CC2D1B: variants seen among roughly 807,000 people sequenced by gnomAD.
CC2D1B encodes coiled-coil and C2 domain-containing protein 1B.
A neutral mutation model predicts 110.8 loss-of-function variants in CC2D1B; 92 were observed. That is an observed-to-expected ratio of 0.83 (90% CI 0.70 to 0.99). CC2D1B has a LOEUF of 0.99. Ranked by LOEUF, CC2D1B falls within the 50% of genes least tolerant of loss-of-function variation. The probability of loss-of-function intolerance (pLI) is 0.00; values close to 1 mark genes in which losing one functional copy is unlikely to be tolerated. For synonymous variants in CC2D1B, 406 were observed against 429.2 expected (o/e 0.95, Z 0.67); for missense variants, 1,136 against 1,089.0 (o/e 1.04, Z -0.61).
Position 52,359,592 on chromosome 1 carries a change from C to T in CC2D1B, c.943-58G>A, listed in dbSNP as rs948754310. ...AGACAGGGGACCCCAAGAGCCTGGG[C>T]TGAAACAACCCCCACTTAGGCCAAT... On this transcript the variant is annotated intron_variant, in intron 8 of 24. Transcript: ENST00000284376. 4 of 1,588,092 alleles carry T rather than the reference C, an allele frequency of 2.5e-6. No homozygotes were observed. In the Admixed American group the frequency reaches 5.3e-5, roughly 21 times the overall value.
chr1:52,360,030 T>TATGA (rs1481414927), intron 7 of CC2D1B, 44 bp downstream of exon 7: 1 of 1,552,742 alleles, frequency 6.4e-7, no homozygotes, highest in Non-Finnish European at 8.7e-7. Flanking sequence ...CGCTGTGGGC[T>TATGA]ATGACCCCAG....
Position 52,351,745 on chromosome 1 carries a change from ATAG to A in CC2D1B, c.*1477_*1479del, listed in dbSNP as rs1372025225. 1.3e-5 allele frequency: 2 copies of A among 152,064 alleles called. No individual in the cohort carries two copies. Among genetic ancestry groups the A allele is most frequent in the African/African-American group, 4.8e-5 (2 of 41,382 alleles). 9.4% of individuals were successfully genotyped at this position (152,064 alleles called of 1,614,324 possible). A position where few individuals can be genotyped will look rare whatever the true frequency, so the allele number is the denominator to read the frequency against. ...CTAAAAATAAAAAAATTAGCTGGGC[ATAG>A]TGGTGGGTGCCTGTAATCCCAGCTA... On this transcript the variant is annotated 3_prime_UTR_variant, in exon 25 of 25. Transcript: ENST00000284376.
Position 52,356,373 on chromosome 1 carries a change from C to A in CC2D1B, c.1937+11G>T, listed in dbSNP as rs1270855978. The A allele has an allele frequency of 6.2e-7, 1 of 1,614,080 alleles. No individual in the cohort carries two copies. Among genetic ancestry groups the A allele is most frequent in the East Asian group, 2.2e-5 (1 of 44,898 alleles). ...CCACCCTATGAGCCCAGCCCCAGCC[C>A]TTGCACTTACCGGGTGGTCTCAGCC... is the stretch of plus-strand genomic sequence containing the variant. On this transcript the variant is annotated intron_variant, in intron 17 of 24. Coordinates refer to ENST00000284376, the MANE Select transcript of CC2D1B (RefSeq NM_001330585.2).
chr1:52,359,792 G>T lies in CC2D1B; in HGVS notation c.855C>A (p.Ser285=). Residue 285 remains serine, a synonymous_variant, in exon 8 of 25, where the codon TCC becomes TCA. Coordinates refer to ENST00000284376, the MANE Select transcript of CC2D1B (RefSeq NM_001330585.2). ...CAGCCACTTTGTACTCTCTCTGTCGGGATGACAGCAGGGCCCGCGGGTCTG... is the reference window on the plus strand; with the variant it reads ...CAGCCACTTTGTACTCTCTCTGTCGTGATGACAGCAGGGCCCGCGGGTCTG... ...LDPDPRALLS[S]RQREYKVAAL... 1 of 1,611,610 alleles carries T rather than the reference G, an allele frequency of 6.2e-7. No individual in the cohort carries two copies. The highest frequency in any genetic ancestry group is 1.3e-5 in the African/African-American group (1 of 75,018).
rs141213641 is a variant in CC2D1B, at chr1:52,361,523, G to C, written c.308C>G (p.Ala103Gly). ...EEEEEGLEED[A>G]ELLTELQEVL... ...GCCTGGCAGACACACCAGCAGCTCT[G>C]CATCTTCCTCCAGCCCTTCCTCCTC... The change falls in exon 4 of 25, where the codon GCA (alanine) becomes GGA (glycine). Residue 103 changes from alanine (A) to glycine (G), a missense_variant. Physicochemically the swap from Ala to Gly is moderately conservative, Grantham distance 60. Coordinates refer to ENST00000284376, the MANE Select transcript of CC2D1B (RefSeq NM_001330585.2). The C allele has an allele frequency of 6.2e-6, 10 of 1,613,774 alleles. No homozygotes were observed. In the African/African-American group the frequency reaches 1.2e-4, roughly 19 times the overall value.
chr1:52,361,392 G>A, intron 4 of CC2D1B, 121 bp downstream of exon 4: 1 of 1,528,508 alleles, frequency 6.5e-7, no homozygotes, highest in Non-Finnish European at 8.9e-7. Flanking sequence ...AGCCAGGAGG[G>A]GCAAGCACTC....
rs371994391 is a variant in CC2D1B at position 52,358,315 on chromosome 1, G to C, written c.1461+16C>G. ...TATTCTCCCCACCAGCCCTGGAGTTGAGCCCTCAACCAAACCTCGTCCTCG... is the reference window on the plus strand; with the variant it reads ...TATTCTCCCCACCAGCCCTGGAGTTCAGCCCTCAACCAAACCTCGTCCTCG... On this transcript the variant is annotated intron_variant, in intron 13 of 24. Transcript: ENST00000284376. 1 of 1,610,818 alleles carries C rather than the reference G, an allele frequency of 6.2e-7. No homozygotes were observed. Among genetic ancestry groups the C allele is most frequent in the African/African-American group, 1.3e-5 (1 of 75,006 alleles).
Position 52,366,091 on chromosome 1 carries a change from C to T in CC2D1B, c.-37G>A, listed in dbSNP as rs1198676496. ...TACCTCGCGGTGAATCCGAGCCAAA[C>T]CCCGGCCTTGTCTCACCCGGCACCG... On this transcript the variant is annotated 5_prime_UTR_variant, in exon 1 of 25. Transcript: ENST00000284376. 6.6e-6 allele frequency: 1 copy of T among 152,270 alleles called. No homozygotes were observed. Among genetic ancestry groups the T allele is most frequent in the Non-Finnish European group, 1.5e-5 (1 of 68,076 alleles). 9.4% of individuals were successfully genotyped at this position (152,270 alleles called of 1,614,324 possible). A position where few individuals can be genotyped will look rare whatever the true frequency, so the allele number is the denominator to read the frequency against.
In CC2D1B at chr1:52,353,538, A is replaced by G. The variant is rs1311586848; in HGVS notation, c.2540T>C (p.Leu847Pro). The change falls in exon 24 of 25, where the codon CTG becomes CCG. Residue 847 changes from leucine (L) to proline (P), a missense_variant. Physicochemically the swap from Leu to Pro is moderately conservative, Grantham distance 98 (BLOSUM62 -3). Transcript: ENST00000284376. Reference sequence around the variant, plus strand: ...CCCACCTCACAAGCCCCTGGGCTCCAGAACCAGCCAGTTCTCAGTGACCAT... The same window carrying G: ...CCCACCTCACAAGCCCCTGGGCTCCGGAACCAGCCAGTTCTCAGTGACCAT... Reference protein sequence around the residue: ...VQMVTENWLVLEPRGL With the variant: ...VQMVTENWLVPEPRGL 1 of 1,613,732 alleles carries G rather than the reference A, an allele frequency of 6.2e-7. No homozygotes were observed. The highest frequency in any genetic ancestry group is 1.1e-5 in the South Asian group (1 of 91,058).
Position 52,359,308 on chromosome 1 carries a change from A to C in CC2D1B, c.1068T>G (p.Ile356Met). ...ASQAPTAPSV[I>M]PPAVERVQPV... ...GCTGCACTCGCTCCACGGCTGGGGG[A>C]ATGACTGAGGGTGCTGTGGGAGCCT... Residue 356 changes from isoleucine to methionine, a missense_variant, in exon 10 of 25, where the codon ATT becomes ATG. Ile to Met is a conservative substitution (Grantham distance 10). Coordinates refer to ENST00000284376, the MANE Select transcript of CC2D1B (RefSeq NM_001330585.2). 1.2e-6 allele frequency: 2 copies of C among 1,613,268 alleles called. No individual in the cohort carries two copies. The highest frequency in any genetic ancestry group is 1.7e-6 in the Non-Finnish European group (2 of 1,179,774).
chr1:52,360,309 GC>G, intron 6 of CC2D1B, 76 bp from the exon 7 acceptor site: 3 of 1,597,578 alleles, frequency 1.9e-6, no homozygotes, highest in South Asian at 2.3e-5. Context: ...GCCAGGGGTG[GC>G]CCCCCAACCC....
chr1:52,360,862 GA>G, intron 5 of CC2D1B, 111 bp downstream of exon 5: 1 of 1,328,132 alleles, frequency 7.5e-7, no homozygotes, highest in Non-Finnish European at 1.0e-6. Context: ...GCTGCTGGGG[GA>G]GGGTCCTGGA....
intron 15 of CC2D1B, 90 bp from the exon 16 acceptor site, chr1:52,357,216 C>A: frequency 6.9e-7 from 1 of 1,459,352 alleles, no homozygotes; most frequent in Non-Finnish European, 9.4e-7. Context: ...CTAAGTAATT[C>A]TTCAGCTTCT....
intron 3 of CC2D1B, 52 bp downstream of exon 3, chr1:52,362,549 AG>A (rs1174838894): frequency 6.2e-6 from 10 of 1,608,550 alleles, no homozygotes; most frequent in African/African-American, 1.3e-5. Context: ...CTCTACCACC[AG>A]CCTGTGCCCA....
intron 3 of CC2D1B, 124 bp downstream of exon 3, chr1:52,362,478 G>T: frequency 1.7e-6 from 2 of 1,176,612 alleles, no homozygotes; most frequent in Non-Finnish European, 1.2e-6. Flanking sequence ...TGGGAGTGCG[G>T]CAGATGGGTA....
chr1:52,353,608 C>T lies in CC2D1B; in HGVS notation c.2470G>A (p.Val824Met). 6.2e-7 allele frequency: 1 copy of T among 1,612,234 alleles called. No homozygotes were observed. The highest frequency in any genetic ancestry group is 8.5e-7 in the Non-Finnish European group (1 of 1,179,134). Reference sequence around the variant, plus strand: ...AGAGGCTCCCGCAGCCTCACCTTCACCTCCAGCTTCCCCCCGGTGGGCTTC... The same window carrying T: ...AGAGGCTCCCGCAGCCTCACCTTCATCTCCAGCTTCCCCCCGGTGGGCTTC... ...GRKPTGGKLE[V>M]KVRLREPLSG... The change falls in exon 24 of 25, where the codon GTG becomes ATG. Residue 824 changes from valine to methionine, a missense_variant. By Grantham distance (21) the Val-to-Met change is conservative (BLOSUM62 1). Transcript: ENST00000284376.
chr1:52,358,015 G>T, intron 13 of CC2D1B, 117 bp from the exon 14 acceptor site: 1 of 1,417,220 alleles, frequency 7.1e-7, no homozygotes. Context: ...ACCTGAGATG[G>T]GTGGCTTCTC....
rs966047582 is a variant in CC2D1B, at chr1:52,359,068, C to T, written c.1216G>A (p.Gly406Arg). The part of the protein sequence containing the change: ...REAGIQARSG[G>R]DERKARMHER... ...TGCATCCGAGCCTTGCGCTCGTCCCCACCACTCCGGGCCTGGATGCCCGCC... is the reference window on the plus strand; with the variant it reads ...TGCATCCGAGCCTTGCGCTCGTCCCTACCACTCCGGGCCTGGATGCCCGCC... The change falls in exon 11 of 25, where the codon GGG (glycine) becomes AGG (arginine). Residue 406 changes from glycine (G) to arginine (R), a missense_variant. Transcript: ENST00000284376. The T allele has an allele frequency of 6.2e-7, 1 of 1,608,888 alleles. No homozygotes were observed. Among genetic ancestry groups the T allele is most frequent in the East Asian group, 2.2e-5 (1 of 44,868 alleles).
In CC2D1B at chr1:52,359,692, C is replaced by A; in HGVS notation, c.942+13G>T. On this transcript the variant is annotated intron_variant, in intron 8 of 24. Coordinates refer to ENST00000284376, the MANE Select transcript of CC2D1B (RefSeq NM_001330585.2). ...ATAAAATGAGGGTGGGTGCCCTGAG[C>A]CAGATGCCATACCTTCCCAATCCTC... 1 of 1,584,220 alleles carries A rather than the reference C, an allele frequency of 6.3e-7. No individual in the cohort carries two copies. Among genetic ancestry groups the A allele is most frequent in the Non-Finnish European group, 8.6e-7 (1 of 1,164,674 alleles).
Sources: allele counts gnomAD v4.1 joint callset, GRCh38; gene constraint gnomAD v4.1.1; transcripts MANE v1.5; gene names NCBI Gene and HGNC (gene_info 2026-07-23, HGNC 2026-07-21).